The following DYNC1H1 variants were observed in gnomAD, a reference collection of about 807,000 sequenced individuals.
The protein encoded by DYNC1H1 is cytoplasmic dynein 1 heavy chain 1.
DYNC1H1 carries 51 observed loss-of-function variants against 527.1 expected under a neutral mutation model. That is an observed-to-expected ratio of 0.10 (90% CI 0.08 to 0.12). The LOEUF (loss-of-function observed/expected upper bound fraction) is 0.12. DYNC1H1 is among the 10% of genes least tolerant of loss of function. DYNC1H1 has a pLI of 1.00. For missense variants in DYNC1H1, 2,771 were observed against 5,971.8 expected (o/e 0.46, Z 17.66); for synonymous variants, 2,189 against 2,278.8 (o/e 0.96, Z 1.12).
In DYNC1H1 at chr14:102,033,743, C is replaced by A. The variant is rs1229453444; in HGVS notation, c.10414-233C>A. ...AGCAGCTCCAGACCTGTTTGCTCTG[C>A]TGCCTGAGGGCCTCGCTCCGTACCC... On this transcript the variant is annotated intron_variant, in intron 54 of 77. Transcript: ENST00000360184. The surrounding 1 kb of genome is among the most constrained non-coding windows in gnomAD (Gnocchi z 5.6). 6 of 680,624 alleles carry A rather than the reference C, an allele frequency of 8.8e-6. No individual in the cohort carries two copies. Among genetic ancestry groups the A allele is most frequent in the Non-Finnish European group, 1.3e-5 (5 of 398,880 alleles). The allele number at this position is 680,624 out of a possible 1,614,324, so 42.2% of individuals were successfully genotyped here.
chr14:102,013,113 G>A (rs974170764), intron 34 of DYNC1H1, among the ~76,000 whole-genome samples: 3 of 152,014 alleles, frequency 2.0e-5, no homozygotes, highest in Admixed American at 1.3e-4. Context: ...GCGGGGCATG[G>A]TGGTGGGTGC....
In DYNC1H1 at chr14:102,042,491, T is replaced by C; in HGVS notation, c.12383T>C (p.Met4128Thr). ...PHACFRLFLT[M>T]EINPKVPVNL... ...GCCTGCTTCCGACTCTTCCTCACCA[T>C]GGAGATCAACCCCAAGGTGGGTGGT... The change falls in exon 68 of 78, where the codon ATG becomes ACG. Residue 4128 changes from methionine (M) to threonine (T), a missense_variant. Physicochemically the swap from Met to Thr is moderately conservative, Grantham distance 81 (BLOSUM62 -1). Coordinates refer to ENST00000360184, the MANE Select transcript of DYNC1H1 (RefSeq NM_001376.5). This position sits in a 1 kb window ranked among gnomAD's most constrained non-coding sequence, Gnocchi z 5.7. 2.5e-6 allele frequency: 4 copies of C among 1,613,982 alleles called. No homozygotes were observed. The highest frequency in any genetic ancestry group is 3.4e-6 in the Non-Finnish European group (4 of 1,179,970).
chr14:102,039,851 T>A lies in DYNC1H1; in HGVS notation c.11690+119T>A, dbSNP rs2152595417. 8.4e-6 allele frequency: 11 copies of A among 1,313,780 alleles called. No homozygotes were observed. Among genetic ancestry groups the A allele is most frequent in the Non-Finnish European group, 8.4e-6 (8 of 947,712 alleles). The allele number at this position is 1,313,780 out of a possible 1,614,324, so 81.4% of individuals were successfully genotyped here. On this transcript the variant is annotated intron_variant, in intron 62 of 77. Transcript: ENST00000360184. This position sits in a 1 kb window ranked among gnomAD's most constrained non-coding sequence, Gnocchi z 7.0. ...TTCTCTTTTATTTTCTTTATTTTAT[T>A]TTTTGAGACGGAGTCTCCCTTTGTT...
Position 102,018,751 on chromosome 14 carries a change from A to C in DYNC1H1, c.8343+135A>C, listed in dbSNP as rs916123858. On this transcript the variant is annotated intron_variant, in intron 41 of 77. Coordinates refer to ENST00000360184, the MANE Select transcript of DYNC1H1 (RefSeq NM_001376.5). This position sits in a 1 kb window ranked among gnomAD's most constrained non-coding sequence, Gnocchi z 5.2. The stretch of plus-strand genomic sequence containing the variant: ...CAAGGTGGGTGGATCCTTTGAGCCC[A>C]GGAGTTTGAGACCAGTCTGGACAAC... The C allele has an allele frequency of 1.7e-6, 2 of 1,199,404 alleles. No individual in the cohort carries two copies. The highest frequency in any genetic ancestry group is 1.3e-5 in the South Asian group (1 of 76,674). 74.3% of individuals were successfully genotyped at this position (1,199,404 alleles called of 1,614,324 possible).
At chr14:101,972,067 A>G (rs2047745179) in intron 1 of DYNC1H1, among the ~76,000 whole-genome samples, 2 of 152,208 alleles carry the variant, frequency 1.3e-5, no homozygotes, top group Non-Finnish European at 2.9e-5. Flanking sequence ...AAGCATAAGG[A>G]AATGGATTCA....
chr14:102,012,255 A>C lies in DYNC1H1; in HGVS notation c.6858-59A>C. On this transcript the variant is annotated intron_variant, in intron 33 of 77. Coordinates refer to ENST00000360184, the MANE Select transcript of DYNC1H1 (RefSeq NM_001376.5). This position sits in a 1 kb window ranked among gnomAD's most constrained non-coding sequence, Gnocchi z 4.9. Reference sequence around the variant, plus strand: ...ATTTCAGAAACCATCATCGGTAAACATGCCTAATGTTAAAATCTTGATTTA... The same window carrying C: ...ATTTCAGAAACCATCATCGGTAAACCTGCCTAATGTTAAAATCTTGATTTA... The C allele has an allele frequency of 6.2e-7, 1 of 1,613,764 alleles. No individual in the cohort carries two copies. The highest frequency in any genetic ancestry group is 8.5e-7 in the Non-Finnish European group (1 of 1,179,684).
rs1200082458 is a variant in DYNC1H1, at chr14:101,995,105, A to G, written c.3444+9A>G. On this transcript the variant is annotated intron_variant, in intron 14 of 77. Coordinates refer to ENST00000360184, the MANE Select transcript of DYNC1H1 (RefSeq NM_001376.5). Reference sequence around the variant, plus strand: ...ATTCCCAGATCTCAAAGGTGAGGACATAGGATTCTGCCTCTGTAACCGGTC... The same window carrying G: ...ATTCCCAGATCTCAAAGGTGAGGACGTAGGATTCTGCCTCTGTAACCGGTC... 1 of 1,614,216 alleles carries G rather than the reference A, an allele frequency of 6.2e-7. No individual in the cohort carries two copies. The highest frequency in any genetic ancestry group is 8.5e-7 in the Non-Finnish European group (1 of 1,180,038).
In DYNC1H1 at chr14:102,029,780, G is replaced by C. The variant is rs1449107229; in HGVS notation, c.9643-39G>C. The C allele has an allele frequency of 5.6e-6, 9 of 1,614,080 alleles. No homozygotes were observed. The highest frequency in any genetic ancestry group is 7.6e-6 in the Non-Finnish European group (9 of 1,180,050). On this transcript the variant is annotated intron_variant, in intron 49 of 77. Coordinates refer to ENST00000360184, the MANE Select transcript of DYNC1H1 (RefSeq NM_001376.5). This position sits in a 1 kb window ranked among gnomAD's most constrained non-coding sequence, Gnocchi z 5.3. ...GAGGACCCCTTTCCATATAATTTCT[G>C]CATGTTTCTCGTCTCTGAGTGTGGG...
rs777262223 is a variant in DYNC1H1, at chr14:101,986,112, G to T, written c.1887G>T (p.Gln629His). ...ACAAGTTCAAGGTCCAGTACCCACA[G>T]AGTCAGGCTTGTAAGATGAGTCACG... ...LHDKFKVQYP[Q>H]SQACKMSHVR... Residue 629 changes from glutamine (Q) to histidine (H), a missense_variant, in exon 8 of 78, where the codon CAG (glutamine) becomes CAT (histidine). Physicochemically the swap from Gln to His is conservative, Grantham distance 24. Transcript: ENST00000360184. This position sits in a 1 kb window ranked among gnomAD's most constrained non-coding sequence, Gnocchi z 8.7. 9 of 1,614,126 alleles carry T rather than the reference G, an allele frequency of 5.6e-6. No homozygotes were observed. The Admixed American group carries it at 1.5e-4, about 27-fold the overall frequency.
chr14:101,973,397 T>C (rs1028075280), intron 1 of DYNC1H1, among the ~76,000 whole-genome samples: 3 of 152,118 alleles, frequency 2.0e-5, no homozygotes, highest in Admixed American at 2.0e-4. Context: ...TGACTTGAAG[T>C]GATCTGCCCG....
Position 102,040,639 on chromosome 14 carries a change from T to C in DYNC1H1, c.11907T>C (p.Thr3969=). 1 of 1,614,256 alleles carries C rather than the reference T, an allele frequency of 6.2e-7. No individual in the cohort carries two copies. The highest frequency in any genetic ancestry group is 8.5e-7 in the Non-Finnish European group (1 of 1,180,042). ...IWLDSSSPEQ[T]VPYLWSEETP... Reference sequence around the variant, plus strand: ...TGGACAGCAGCTCCCCGGAGCAGACTGTGCCCTACCTCTGGAGTGAAGAAA... The same window carrying C: ...TGGACAGCAGCTCCCCGGAGCAGACCGTGCCCTACCTCTGGAGTGAAGAAA... Residue 3969 remains threonine (T), a synonymous_variant, in exon 64 of 78, where the codon ACT becomes ACC. Coordinates refer to ENST00000360184, the MANE Select transcript of DYNC1H1 (RefSeq NM_001376.5).
Position 102,016,681 on chromosome 14 carries a change from A to G in DYNC1H1, c.7615-85A>G, listed in dbSNP as rs1024003253. 4 of 1,552,180 alleles carry G rather than the reference A, an allele frequency of 2.6e-6. No homozygotes were observed. Among genetic ancestry groups the G allele is most frequent in the Middle Eastern group, 3.7e-4 (2 of 5,386 alleles). On this transcript the variant is annotated intron_variant, in intron 37 of 77. Transcript: ENST00000360184. This position sits in a 1 kb window ranked among gnomAD's most constrained non-coding sequence, Gnocchi z 7.3. ...TGACCAATTACTTCCTTGTTCTGAAAGTTCAAGTTTGTGTTCAGGTAAACA... is the reference window on the plus strand; with the variant it reads ...TGACCAATTACTTCCTTGTTCTGAAGGTTCAAGTTTGTGTTCAGGTAAACA...
Position 101,983,265 on chromosome 14 carries a change from A to G in DYNC1H1, c.1208A>G (p.His403Arg), listed in dbSNP as rs1451197374. The G allele has an allele frequency of 1.2e-6, 2 of 1,614,258 alleles. No homozygotes were observed. The highest frequency in any genetic ancestry group is 1.7e-5 in the Admixed American group (1 of 60,030). The change falls in exon 6 of 78, where the codon CAT (histidine) becomes CGT (arginine). Residue 403 changes from histidine (H) to arginine (R), a missense_variant. His to Arg is a conservative substitution (Grantham distance 29). Coordinates refer to ENST00000360184, the MANE Select transcript of DYNC1H1 (RefSeq NM_001376.5). The surrounding 1 kb of genome is among the most constrained non-coding windows in gnomAD (Gnocchi z 5.3). ...GTATTGGGCACTAGGAAATTGATGC[A>G]TGTTGCTTATGAAGAATTTGAAAAA... ...LKVLGTRKLM[H>R]VAYEEFEKVM...
At position 102,050,577 on chromosome 14, in the gene DYNC1H1, C is replaced by T. The variant is rs756094783; in HGVS notation, c.*14C>T. On this transcript the variant is annotated 3_prime_UTR_variant, in exon 78 of 78. Transcript: ENST00000360184. The stretch of plus-strand genomic sequence containing the variant: ...TGCACAGAGTAAACTTTTCTAGCTG[C>T]CCCTTTCTGTAATAGTGAAAGTTGG... 6.2e-6 allele frequency: 10 copies of T among 1,614,066 alleles called. 1 individual carries two copies. In the South Asian group the frequency reaches 6.6e-5, roughly 11 times the overall value.
chr14:101,976,096 A>G (rs1438484691), intron 2 of DYNC1H1, among the ~76,000 whole-genome samples: 1 of 151,190 alleles, frequency 6.6e-6, no homozygotes, highest in East Asian at 2.0e-4. Context: ...TAGTAGAGAC[A>G]GGGTTTCTCC....
Position 101,979,377 on chromosome 14 carries a change from C to T in DYNC1H1, c.403C>T (p.Leu135Phe). The change falls in exon 3 of 78, where the codon CTC (leucine) becomes TTC (phenylalanine). Residue 135 changes from leucine (L) to phenylalanine (F), a missense_variant. Around this residue, in one of 32 missense-constraint regions of DYNC1H1, gnomAD observed 146 missense variants for 288.1 expected, o/e 0.51. Transcript: ENST00000360184. The surrounding 1 kb of genome is among the most constrained non-coding windows in gnomAD (Gnocchi z 4.6). ...IDADKPVSSQLRVLTLSEDSP... is the reference protein window; with the variant it reads ...IDADKPVSSQFRVLTLSEDSP... ...TGCAGATAAACCCGTGTCTTCTCAG[C>T]TCCGGGTCCTTACACTCAGTGAAGA... The T allele has an allele frequency of 6.2e-7, 1 of 1,614,186 alleles. No individual in the cohort carries two copies. Among genetic ancestry groups the T allele is most frequent in the Non-Finnish European group, 8.5e-7 (1 of 1,180,014 alleles).
Position 102,030,891 on chromosome 14 carries a change from G to A in DYNC1H1, c.9883+609G>A, listed in dbSNP as rs2048502963. Among the ~76,000 whole-genome samples the A allele has an allele frequency of 2.6e-5, 4 of 152,172 alleles. No individual in the cohort carries two copies. In the South Asian group the frequency reaches 6.2e-4, roughly 24 times the overall value. On this transcript the variant is annotated intron_variant, in intron 51 of 77. Transcript: ENST00000360184. Reference sequence around the variant, plus strand: ...GAGGCAGGAGGATCATTTGAGGCAGGAGGACCATTTGAACTTAGGAGTTTG... The same window carrying A: ...GAGGCAGGAGGATCATTTGAGGCAGAAGGACCATTTGAACTTAGGAGTTTG...
Position 102,049,490 on chromosome 14 carries a change from G to A in DYNC1H1, c.13423G>A (p.Val4475Ile). The change falls in exon 75 of 78, where the codon GTC becomes ATC. Residue 4475 changes from valine to isoleucine, a missense_variant. Coordinates refer to ENST00000360184, the MANE Select transcript of DYNC1H1 (RefSeq NM_001376.5). This position sits in a 1 kb window ranked among gnomAD's most constrained non-coding sequence, Gnocchi z 5.5. ...CTACACGGTGCCTGCCGGCATGACCGTCATCCAGTGGGTGTCCGACTTCAG... is the reference window on the plus strand; with the variant it reads ...CTACACGGTGCCTGCCGGCATGACCATCATCCAGTGGGTGTCCGACTTCAG... ...SHYTVPAGMT[V>I]IQWVSDFSER... 5 of 1,614,200 alleles carry A rather than the reference G, an allele frequency of 3.1e-6. No homozygotes were observed. The highest frequency in any genetic ancestry group is 1.1e-5 in the South Asian group (1 of 91,086).
Position 102,049,047 on chromosome 14 carries a change from T to TGG in DYNC1H1, c.13372+383_13372+384dup. On this transcript the variant is annotated intron_variant, in intron 74 of 77. Transcript: ENST00000360184. This position sits in a 1 kb window ranked among gnomAD's most constrained non-coding sequence, Gnocchi z 5.5. ...GTGGAAAAGCAGGGGCAGGCGGGCA[T>TGG]GGGGGGCTCATCCAAAGTTGTGGGG... 1 of 424,028 alleles carries TGG rather than the reference T, an allele frequency of 2.4e-6. No individual in the cohort carries two copies. The allele number at this position is 424,028 out of a possible 1,614,324, so 26.3% of individuals were successfully genotyped here. A position where few individuals can be genotyped will look rare whatever the true frequency, so the allele number is the denominator to read the frequency against.
Sources: allele counts gnomAD v4.1 joint callset (sites outside exome capture counted in the v4.1 genomes callset), GRCh38; gene constraint gnomAD v4.1.1; regional missense constraint gnomAD v4.1.1; non-coding constraint Gnocchi (gnomAD v3.1); transcripts MANE v1.5; gene names NCBI Gene and HGNC (gene_info 2026-07-23, HGNC 2026-07-21).